Variants in MYO5A observed in about 807,000 individuals in gnomAD.
The protein encoded by MYO5A is unconventional myosin-Va.
In MYO5A, 98 loss-of-function variants were observed where a neutral mutation model predicts 249.7. That is an observed-to-expected ratio of 0.39 (90% CI 0.33 to 0.46). The LOEUF is 0.46. Among genes scored for constraint, MYO5A ranks in the 20% least tolerant of loss-of-function variants. The pLI is 0.98. For missense variants in MYO5A, 1,696 were observed against 2,308.8 expected (o/e 0.73, Z 5.44); for synonymous variants, 778 against 810.6 (o/e 0.96, Z 0.68).
chr15:52,404,440 A>G (rs1048288952), intron 9 of MYO5A, among the ~76,000 whole-genome samples: 7 of 152,170 alleles, frequency 4.6e-5, no homozygotes, highest in African/African-American at 1.7e-4. Flanking sequence ...CTGTTTTTAC[A>G]CAAGAGGCTA....
At position 52,311,752 on chromosome 15, in the gene MYO5A, A is replaced by G. The variant is rs936350532; in HGVS notation, c.*1944T>C. ...TGCAGCTTTTTCTCTCTAGAATCTA[A>G]GGGCTGAGAAGAGAGAATTTTAAAT... On this transcript the variant is annotated 3_prime_UTR_variant, in exon 42 of 42. Coordinates refer to ENST00000399233, the MANE Select transcript of MYO5A (RefSeq NM_001382347.1). 2 of 152,504 alleles carry G rather than the reference A, an allele frequency of 1.3e-5. No individual in the cohort carries two copies. The highest frequency in any genetic ancestry group is 1.3e-4 in the Admixed American group (2 of 15,280). 9.4% of individuals were successfully genotyped at this position (152,504 alleles called of 1,614,324 possible). A position where few individuals can be genotyped will look rare whatever the true frequency, so the allele number is the denominator to read the frequency against.
At position 52,359,971 on chromosome 15, in the gene MYO5A, T is replaced by C. The variant is rs1342733182; in HGVS notation, c.3420A>G (p.Thr1140=). The C allele has an allele frequency of 1.2e-6, 2 of 1,601,120 alleles. No homozygotes were observed. The highest frequency in any genetic ancestry group is 1.7e-6 in the Non-Finnish European group (2 of 1,169,010). ...GTGACAGATGTCTAAACTGTACCTCTGTCCTTGATGGAATGTCTTCCATTT... is the reference window on the plus strand; with the variant it reads ...GTGACAGATGTCTAAACTGTACCTCCGTCCTTGATGGAATGTCTTCCATTT... ...IAEMEDIPSR[T]EEPSEKKVPL... is the part of the protein sequence containing the mutation. The change falls in exon 25 of 42, where the codon ACA becomes ACG. Residue 1140 remains threonine, a synonymous_variant. Transcript: ENST00000399233.
Position 52,391,954 on chromosome 15 carries a change from T to C in MYO5A, c.1518A>G (p.Leu506=). 2 of 1,613,152 alleles carry C rather than the reference T, an allele frequency of 1.2e-6. No homozygotes were observed. Among genetic ancestry groups the C allele is most frequent in the Non-Finnish European group, 1.7e-6 (2 of 1,179,506 alleles). ...INLIESKLGI[L]DLLDEECKMP... ...CCTTGCATTCCTCATCCAGTAAATC[T>C]AGAATGCCTAGTTTTGATTCTATAA... The change falls in exon 12 of 42, where the codon CTA becomes CTG. Residue 506 remains leucine (L), a synonymous_variant. Coordinates refer to ENST00000399233, the MANE Select transcript of MYO5A (RefSeq NM_001382347.1).
chr15:52,399,557 T>C (rs1416304407), intron 9 of MYO5A, among the ~76,000 whole-genome samples: 1 of 152,252 alleles, frequency 6.6e-6, no homozygotes. Flanking sequence ...AGTTTTGTCC[T>C]AGCTAGCATG....
chr15:52,393,866 G>A (rs543702923), intron 11 of MYO5A, among the ~76,000 whole-genome samples: 4 of 152,294 alleles, frequency 2.6e-5, no homozygotes, highest in South Asian at 2.1e-4. Flanking sequence ...GATGGTACGA[G>A]TATCTTCCAA....
Position 52,310,558 on chromosome 15 carries a change from A to C in MYO5A, c.*3138T>G, listed in dbSNP as rs1293388237. On this transcript the variant is annotated 3_prime_UTR_variant, in exon 42 of 42. Transcript: ENST00000399233. ...GGAATGCATGCAGAGAAGTAAGAAC[A>C]ACAAGGACTGTGCAAAGATTGGGCT... The C allele has an allele frequency of 9.2e-6, 1 of 109,228 alleles. No homozygotes were observed. The highest frequency in any genetic ancestry group is 2.1e-5 in the Non-Finnish European group (1 of 47,130). 6.8% of individuals were successfully genotyped at this position (109,228 alleles called of 1,614,324 possible).
intron 4 of MYO5A, among the ~76,000 whole-genome samples, chr15:52,423,109 C>G (rs969306002): frequency 2.0e-5 from 3 of 152,150 alleles, no homozygotes; most frequent in African/African-American, 7.2e-5. Flanking sequence ...AGAACAGTGT[C>G]TGGCGTTTGG....
chr15:52,491,632 T>C (rs1460393225), intron 1 of MYO5A, among the ~76,000 whole-genome samples: 2 of 152,242 alleles, frequency 1.3e-5, no homozygotes, highest in Non-Finnish European at 2.9e-5. Flanking sequence ...ATCTGTCTCA[T>C]GCTAACAAAA....
chr15:52,423,880 T>C (rs1298667251), intron 4 of MYO5A, among the ~76,000 whole-genome samples: 2 of 152,214 alleles, frequency 1.3e-5, no homozygotes, highest in Non-Finnish European at 2.9e-5. Flanking sequence ...TAAATATTCA[T>C]ATAAACCTAA....
Position 52,330,417 on chromosome 15 carries a change from A to G in MYO5A, c.4491T>C (p.Asp1497=), listed in dbSNP as rs1441240245. ...RPVNIPRKEK[D]FQGMLEYKKE... ...TCTTGTATTCCAGCATCCCTTGGAA[A>G]TCCTTTTCTTTCCTGGGAATGTTGA... Residue 1497 remains aspartate (D), a synonymous_variant, in exon 35 of 42, where the codon GAT becomes GAC. Transcript: ENST00000399233. 1.2e-5 allele frequency: 20 copies of G among 1,613,970 alleles called. No individual in the cohort carries two copies. The highest frequency in any genetic ancestry group is 1.6e-5 in the Non-Finnish European group (19 of 1,179,988).
At chr15:52,345,941 C>T (rs965253418) in intron 30 of MYO5A, among the ~76,000 whole-genome samples, 21 of 152,110 alleles carry the variant, frequency 1.4e-4, no homozygotes, top group Admixed American at 6.5e-5. Context: ...TGAGTGATTC[C>T]AGATACCTCA....
chr15:52,332,379 G>GT (rs1210268157), intron 34 of MYO5A, among the ~76,000 whole-genome samples: 1 of 152,186 alleles, frequency 6.6e-6, no homozygotes, highest in Non-Finnish European at 1.5e-5. Context: ...TTTCAGAGAT[G>GT]TTGAAATGGG....
intron 1 of MYO5A, among the ~76,000 whole-genome samples, chr15:52,528,104 G>A (rs1407306234): frequency 6.6e-6 from 1 of 152,108 alleles, no homozygotes; most frequent in African/African-American, 2.4e-5. Flanking sequence ...TGCCCCAGAG[G>A]ATGGTAAAGA....
chr15:52,463,284 G>C (rs1567150340), intron 1 of MYO5A, among the ~76,000 whole-genome samples: 1 of 152,118 alleles, frequency 6.6e-6, no homozygotes, highest in East Asian at 1.9e-4. Flanking sequence ...CATCAAGATG[G>C]ACTTCTCTAG....
chr15:52,323,467 A>C, intron 36 of MYO5A, 23 bp from the exon 37 acceptor site: 2 of 1,588,926 alleles, frequency 1.3e-6, no homozygotes, highest in East Asian at 2.2e-5. Flanking sequence ...ATAAGTCTAA[A>C]CTTGCCTTTT....
At chr15:52,360,250 T>A (rs983347978) in intron 24 of MYO5A, among the ~76,000 whole-genome samples, 169 bp from the exon 25 acceptor site, 3 of 152,230 alleles carry the variant, frequency 2.0e-5, no homozygotes, top group African/African-American at 7.2e-5. Flanking sequence ...AGGTCACCGC[T>A]TCAAAGAAAA....
intron 27 of MYO5A, among the ~76,000 whole-genome samples, chr15:52,352,524 G>C (rs1445257572): frequency 6.6e-6 from 1 of 152,242 alleles, no homozygotes; most frequent in East Asian, 1.9e-4. Flanking sequence ...GCTCACGCCT[G>C]TAATCCCAGC....
At position 52,310,136 on chromosome 15, in the gene MYO5A, C is replaced by A. The variant is rs1180930917; in HGVS notation, c.*3560G>T. ...TAACACAGCAAATTCTCCAAACTGA[C>A]AATAATCCCCAAATTCCCTATCAGT... On this transcript the variant is annotated 3_prime_UTR_variant, in exon 42 of 42. Transcript: ENST00000399233. The A allele has an allele frequency of 6.6e-6, 1 of 152,208 alleles. No individual in the cohort carries two copies. Among genetic ancestry groups the A allele is most frequent in the Non-Finnish European group, 1.5e-5 (1 of 68,030 alleles). 9.4% of individuals were successfully genotyped at this position (152,208 alleles called of 1,614,324 possible). A position where few individuals can be genotyped will look rare whatever the true frequency, so the allele number is the denominator to read the frequency against.
chr15:52,436,210 G>A (rs1008709417), intron 1 of MYO5A, among the ~76,000 whole-genome samples: 3 of 152,176 alleles, frequency 2.0e-5, no homozygotes, highest in Non-Finnish European at 4.4e-5. Flanking sequence ...GGATTACGGC[G>A]TGAGCCACCA....
Sources: allele counts gnomAD v4.1 joint callset (sites outside exome capture counted in the v4.1 genomes callset), GRCh38; gene constraint gnomAD v4.1.1; transcripts MANE v1.5; gene names NCBI Gene and HGNC (gene_info 2026-07-23, HGNC 2026-07-21).